SATL1: variants seen among roughly 807,000 people sequenced by gnomAD.
SATL1 encodes spermidine/spermine N(1)-acetyltransferase-like protein 1.
Under a neutral mutation model 51.8 loss-of-function variants are expected in SATL1, and 47 were observed. That is an observed-to-expected ratio of 0.91 (90% CI 0.72 to 1.16). SATL1 has a LOEUF of 1.16. SATL1 is among the 50% of genes most tolerant of loss of function. The pLI, the probability that SATL1 is intolerant of heterozygous loss-of-function variation, is 0.00. For missense variants in SATL1, 520 were observed against 526.4 expected (o/e 0.99, Z 0.12); for synonymous variants, 176 against 182.4 (o/e 0.97, Z 0.28).
intron 2 of SATL1, among the ~76,000 whole-genome samples, chrX:85,144,380 G>T (rs1000616918): frequency 6.3e-5 from 7 of 111,269 alleles, no homozygotes; most frequent in Middle Eastern, 4.6e-3. Flanking sequence ...CTTCCTTTTG[G>T]ATTCTATGTA....
intron 4 of SATL1, among the ~76,000 whole-genome samples, chrX:85,095,804 C>A (rs753095584): frequency 1.0e-3 from 75 of 72,085 alleles, no homozygotes; most frequent in African/African-American, 4.1e-3. Context: ...CCAGCCTGGG[C>A]GACAGAGCGA....
At chrX:85,099,001 T>C (rs1924813878) in intron 4 of SATL1, among the ~76,000 whole-genome samples, 1 of 111,066 alleles carries the variant, frequency 9.0e-6, no homozygotes, top group Admixed American at 9.6e-5. Context: ...TCAATGAAGG[T>C]TGATTATTTG....
At chrX:85,150,028 T>G (rs1001547787) in intron 2 of SATL1, among the ~76,000 whole-genome samples, 2 of 111,504 alleles carry the variant, frequency 1.8e-5, no homozygotes, top group African/African-American at 6.5e-5. Flanking sequence ...ATCCAGGATC[T>G]GGTTTTTTGA....
chrX:85,240,355 C>A (rs1336530597), intron 1 of SATL1, among the ~76,000 whole-genome samples: 2 of 111,669 alleles, frequency 1.8e-5, no homozygotes, highest in African/African-American at 6.5e-5. Context: ...GTGACGACGG[C>A]CTGAACTCCT....
chrX:85,202,978 G>C (rs1338934266), intron 2 of SATL1, among the ~76,000 whole-genome samples: 1 of 111,845 alleles, frequency 8.9e-6, no homozygotes, highest in Non-Finnish European at 1.9e-5. Flanking sequence ...GCTCTGGTGG[G>C]GGGTGGCTGC....
At chrX:85,163,607 C>T (rs919067183) in intron 2 of SATL1, among the ~76,000 whole-genome samples, 8 of 111,177 alleles carry the variant, frequency 7.2e-5, no homozygotes, top group Non-Finnish European at 1.5e-4. Context: ...CAATTTTGTC[C>T]CACTCTGGTC....
At chrX:85,151,496 C>G (rs1404781662) in intron 2 of SATL1, among the ~76,000 whole-genome samples, 4 of 111,460 alleles carry the variant, frequency 3.6e-5, no homozygotes. Context: ...CAAAAAGGAG[C>G]CTGCATTGCC....
chrX:85,187,300 G>T (rs2147742989), intron 2 of SATL1, among the ~76,000 whole-genome samples: 1 of 111,138 alleles, frequency 9.0e-6, no homozygotes, highest in African/African-American at 3.3e-5. Flanking sequence ...TTCCAATTTG[G>T]ATGCCCTTTA....
chrX:85,114,493 C>G (rs748612925), intron 2 of SATL1, among the ~76,000 whole-genome samples: 1 of 111,261 alleles, frequency 9.0e-6, no homozygotes, highest in Non-Finnish European at 1.9e-5. Context: ...TGAGAGCAAC[C>G]GTTAAAGTTC....
At chrX:85,129,381 C>T (rs760434715) in intron 2 of SATL1, among the ~76,000 whole-genome samples, 1 of 111,038 alleles carries the variant, frequency 9.0e-6, no homozygotes, top group Admixed American at 9.6e-5. Context: ...AAGTTGGATT[C>T]CTAGGTATTT....
At chrX:85,240,777 T>C (rs1358598213) in intron 1 of SATL1, among the ~76,000 whole-genome samples, 1 of 105,167 alleles carries the variant, frequency 9.5e-6, no homozygotes, top group Non-Finnish European at 2.0e-5. Context: ...TTGAAGCTCC[T>C]ATGTACTTTT....
intron 2 of SATL1, among the ~76,000 whole-genome samples, chrX:85,168,141 A>G (rs939349599): frequency 9.0e-6 from 1 of 111,276 alleles, no homozygotes; most frequent in Non-Finnish European, 1.9e-5. Context: ...CCTCAAAATA[A>G]TAAGAGCCAT....
At chrX:85,214,945 G>A (rs1463135928) in intron 2 of SATL1, among the ~76,000 whole-genome samples, 3 of 111,954 alleles carry the variant, frequency 2.7e-5, no homozygotes, top group African/African-American at 9.7e-5. Context: ...CCACGTGGCT[G>A]CTCTCATGGG....
chrX:85,115,085 G>T (rs1925352090), intron 2 of SATL1, among the ~76,000 whole-genome samples: 3 of 111,726 alleles, frequency 2.7e-5, no homozygotes, highest in African/African-American at 9.8e-5. Flanking sequence ...GGAAGTGGAA[G>T]GAAGTGAGAG....
At chrX:85,121,854 G>A (rs961736713) in intron 2 of SATL1, among the ~76,000 whole-genome samples, 12 of 109,442 alleles carry the variant, frequency 1.1e-4, no homozygotes, top group Non-Finnish European at 2.3e-4. Flanking sequence ...ATTGCTAAGA[G>A]AGTAGATTTT....
chrX:85,170,390 T>C (rs1648532723), intron 2 of SATL1, among the ~76,000 whole-genome samples: 1 of 111,725 alleles, frequency 9.0e-6, no homozygotes, highest in African/African-American at 3.2e-5. Flanking sequence ...ATTTTGCCTT[T>C]CTCAGATCAA....
At chrX:85,134,539 T>C (rs1436281150) in intron 2 of SATL1, among the ~76,000 whole-genome samples, 1 of 111,260 alleles carries the variant, frequency 9.0e-6, no homozygotes, top group Non-Finnish European at 1.9e-5. Context: ...TATATAGATA[T>C]AAGTCAATGT....
chrX:85,107,641 T>G lies in SATL1; in HGVS notation c.1328A>C (p.Gln443Pro). 8.2e-7 allele frequency: 1 copy of G among 1,212,203 alleles called. No homozygotes were observed. The highest frequency in any genetic ancestry group is 1.8e-5 in the South Asian group (1 of 57,033). ...PPGMWQRGMW[Q>P]PGMSQQVPSQ... ...GGGGACTTGCTGGCTCATGCCTGGTTGCCACATGCCTCGTTGCCACATGCC... is the reference window on the plus strand; with the variant it reads ...GGGGACTTGCTGGCTCATGCCTGGTGGCCACATGCCTCGTTGCCACATGCC... Residue 443 changes from glutamine (Q) to proline (P), a missense_variant, in exon 3 of 8, where the codon CAA (glutamine) becomes CCA (proline). Physicochemically the swap from Gln to Pro is moderately conservative, Grantham distance 76 (BLOSUM62 -1). Coordinates refer to ENST00000644105, the MANE Select transcript of SATL1 (RefSeq NM_001367857.2).
intron 2 of SATL1, among the ~76,000 whole-genome samples, chrX:85,127,773 C>A (rs1443268740): frequency 9.0e-6 from 1 of 110,875 alleles, no homozygotes; most frequent in East Asian, 2.8e-4. Flanking sequence ...TTAGGTATTT[C>A]TCCTAATGCT....
Sources: gnomAD v4.1 joint callset for allele counts (sites outside exome capture counted in the v4.1 genomes callset) on GRCh38, gnomAD v4.1.1 for gene constraint, MANE v1.5 for transcripts, NCBI Gene and HGNC (gene_info 2026-07-23, HGNC 2026-07-21) for gene names.